Variants in CDC42BPA observed in about 807,000 individuals in gnomAD.
CDC42BPA encodes the protein serine/threonine-protein kinase MRCK alpha.
A neutral mutation model predicts 223.5 loss-of-function variants in CDC42BPA; 80 were observed. The ratio of observed to expected loss-of-function variants is 0.36; its 90% CI spans 0.30 to 0.43. CDC42BPA has a LOEUF of 0.43. Among genes scored for constraint, CDC42BPA ranks in the 20% least tolerant of loss-of-function variants. CDC42BPA has a pLI of 1.00. For synonymous variants in CDC42BPA, 694 were observed against 718.6 expected (o/e 0.97, Z 0.55); for missense variants, 1,743 against 2,099.9 (o/e 0.83, Z 3.32).
At chr1:227,132,203 A>T (rs3122332) in intron 10 of CDC42BPA, among the ~76,000 whole-genome samples, 125,629 of 151,334 alleles carry the variant, frequency 0.83, 52,202 homozygotes, top group East Asian at 0.88. Flanking sequence ...AAAGCTGGAG[A>T]GTACTGCTAC....
intron 2 of CDC42BPA, among the ~76,000 whole-genome samples, chr1:227,220,284 A>ATATATATATATT (rs1675603666): frequency 2.3e-5 from 1 of 43,180 alleles, no homozygotes; most frequent in Admixed American, 2.8e-4. Context: ...AAGTCATGTT[A>ATATATATATATT]TATATATATA....
intron 23 of CDC42BPA, among the ~76,000 whole-genome samples, chr1:227,045,296 T>C (rs1672209527): frequency 6.6e-6 from 1 of 152,242 alleles, no homozygotes; most frequent in African/African-American, 2.4e-5. Flanking sequence ...TCATTTTACC[T>C]TCTAACTATT....
At chr1:227,105,832 T>C (rs531082232) in intron 14 of CDC42BPA, among the ~76,000 whole-genome samples, 5 of 152,336 alleles carry the variant, frequency 3.3e-5, no homozygotes, top group African/African-American at 4.8e-5. Context: ...CCACATTTTC[T>C]TTATCCATCT....
intron 1 of CDC42BPA, among the ~76,000 whole-genome samples, chr1:227,281,338 C>T (rs1260166067): frequency 6.7e-6 from 1 of 149,480 alleles, no homozygotes; most frequent in Non-Finnish European, 1.5e-5. Context: ...CACTCTCACC[C>T]CAGACATGCC....
At chr1:227,305,494 G>A (rs1436757418) in intron 1 of CDC42BPA, among the ~76,000 whole-genome samples, 3 of 152,150 alleles carry the variant, frequency 2.0e-5, no homozygotes, top group Non-Finnish European at 2.9e-5. Flanking sequence ...CTTGCTGTCA[G>A]AGAAGTCTCT....
At chr1:227,088,760 C>G (rs1331642479) in intron 16 of CDC42BPA, among the ~76,000 whole-genome samples, 1 of 152,202 alleles carries the variant, frequency 6.6e-6, no homozygotes, top group Non-Finnish European at 1.5e-5. Flanking sequence ...GACTGTCGCT[C>G]TGTCGCTCAG....
Position 227,199,563 on chromosome 1 carries a change from A to G in CDC42BPA, c.444T>C (p.Asn148=). 3.3e-6 allele frequency: 5 copies of G among 1,537,878 alleles called. No homozygotes were observed. Among genetic ancestry groups the G allele is most frequent in the Non-Finnish European group, 4.5e-6 (5 of 1,113,662 alleles). ...ATACAAAAATGATTCTTACTAAGTT[A>G]TTGTCATCCTGGAAAGCATAGTGCA... ...TTLHYAFQDD[N]NLYLVMDYYV... The change falls in exon 4 of 37, where the codon AAT becomes AAC. Residue 148 remains asparagine, a synonymous_variant. Coordinates refer to ENST00000366766, the MANE Select transcript of CDC42BPA (RefSeq NM_001394014.1).
intron 2 of CDC42BPA, among the ~76,000 whole-genome samples, chr1:227,247,385 C>A (rs2670443): frequency 0.16 from 23,963 of 151,544 alleles, 2,178 homozygotes; most frequent in East Asian, 0.37. Context: ...ATCCCAGCTA[C>A]TCAGAAGGTT....
chr1:227,186,717 G>A (rs989160427), intron 5 of CDC42BPA, among the ~76,000 whole-genome samples: 1 of 152,028 alleles, frequency 6.6e-6, no homozygotes, highest in Non-Finnish European at 1.5e-5. Context: ...CCAATACATT[G>A]AGAAAAGAAA....
chr1:227,294,331 G>T (rs930663673), intron 1 of CDC42BPA, among the ~76,000 whole-genome samples: 27 of 151,764 alleles, frequency 1.8e-4, no homozygotes, highest in Admixed American at 1.1e-3. Flanking sequence ...GAAATAATAA[G>T]CAGACTTTGA....
chr1:227,186,792 A>G (rs6426583), intron 5 of CDC42BPA, among the ~76,000 whole-genome samples: 137,275 of 152,182 alleles, frequency 0.9, 62,356 homozygotes, highest in Middle Eastern at 0.96. Context: ...AGAGACATGA[A>G]TATGGGACTT....
chr1:226,995,799 T>A (rs1661492154), intron 35 of CDC42BPA, among the ~76,000 whole-genome samples: 1 of 152,140 alleles, frequency 6.6e-6, no homozygotes, highest in Non-Finnish European at 1.5e-5. Context: ...ATGACAAGGT[T>A]TTTGCTTAAA....
intron 11 of CDC42BPA, among the ~76,000 whole-genome samples, chr1:227,128,594 T>C (rs1214307624): frequency 1.3e-5 from 2 of 152,192 alleles, no homozygotes; most frequent in African/African-American, 4.8e-5. Context: ...ATGCAATAAA[T>C]GAATAATAGG....
intron 7 of CDC42BPA, among the ~76,000 whole-genome samples, chr1:227,146,610 T>C (rs957521202): frequency 6.6e-6 from 1 of 152,160 alleles, no homozygotes; most frequent in African/African-American, 2.4e-5. Context: ...TAATAAAACC[T>C]TTCTTCTTAT....
chr1:227,257,576 CCT>C (rs1323948462), intron 1 of CDC42BPA, among the ~76,000 whole-genome samples: 12 of 150,632 alleles, frequency 8.0e-5, no homozygotes, highest in African/African-American at 2.7e-4. Context: ...ATGGTGAAAC[CCT>C]GTCTCTACCA....
chr1:227,020,614 T>C (rs750733841), intron 32 of CDC42BPA, among the ~76,000 whole-genome samples: 1 of 152,216 alleles, frequency 6.6e-6, no homozygotes, highest in Non-Finnish European at 1.5e-5. Flanking sequence ...AAAGCTTTGC[T>C]CTGGATTAGG....
intron 16 of CDC42BPA, among the ~76,000 whole-genome samples, chr1:227,083,339 G>A (rs1681112429): frequency 6.6e-6 from 1 of 151,812 alleles, no homozygotes; most frequent in Non-Finnish European, 1.5e-5. Flanking sequence ...TTTTTAAAAT[G>A]TTCTATTGAG....
intron 2 of CDC42BPA, among the ~76,000 whole-genome samples, chr1:227,245,467 T>C (rs1202883613): frequency 6.6e-6 from 1 of 151,910 alleles, no homozygotes; most frequent in Non-Finnish European, 1.5e-5. Flanking sequence ...ATTTTTGTAT[T>C]TGTAGTAGAG....
At chr1:227,284,759 G>C (rs750000153) in intron 1 of CDC42BPA, among the ~76,000 whole-genome samples, 2 of 152,054 alleles carry the variant, frequency 1.3e-5, no homozygotes, top group East Asian at 3.9e-4. Context: ...TCAGGACTTC[G>C]AGACCAGCCT....
Sources: allele counts gnomAD v4.1 joint callset (sites outside exome capture counted in the v4.1 genomes callset), GRCh38; gene constraint gnomAD v4.1.1; transcripts MANE v1.5; gene names NCBI Gene and HGNC (gene_info 2026-07-23, HGNC 2026-07-21).